Variants in APCDD1L observed in about 807,000 individuals in gnomAD.
The protein encoded by APCDD1L is protein APCDD1-like.
Under a neutral mutation model 24.2 loss-of-function variants are expected in APCDD1L, and 21 were observed. That is an observed-to-expected ratio of 0.87 (90% confidence interval 0.61 to 1.25). The LOEUF (loss-of-function observed/expected upper bound fraction) is 1.25, where lower values mean the gene tolerates loss of function less well. Ranked by LOEUF, APCDD1L falls within the 50% of genes most tolerant of loss-of-function variation. APCDD1L has a pLI of 0.00. For synonymous variants in APCDD1L, 321 were observed against 323.6 expected (o/e 0.99, Z 0.09); for missense variants, 704 against 711.7 (o/e 0.99, Z 0.12).
chr20:58,461,435 C>G lies in APCDD1L; in HGVS notation c.861G>C (p.Ser287=). 2 of 1,515,468 alleles carry G rather than the reference C, an allele frequency of 1.3e-6. No homozygotes were observed. The highest frequency in any genetic ancestry group is 1.3e-5 in the South Asian group (1 of 77,256). 93.9% of individuals were successfully genotyped at this position (1,515,468 alleles called of 1,614,324 possible). The part of the protein sequence containing the change: ...PLHLGGWWVS[S]GCEVRPAVLF... The stretch of plus-strand genomic sequence containing the variant: ...GGACTGCTGGGCGCACCTCGCACCC[C>G]GAGCTGACCCACCAGCCGCCCAGGT... The change falls in exon 4 of 4, where the codon TCG becomes TCC. Residue 287 remains serine, a synonymous_variant. Coordinates refer to ENST00000371149, the MANE Select transcript of APCDD1L (RefSeq NM_153360.3). This position sits in a 1 kb window ranked among gnomAD's most constrained non-coding sequence, Gnocchi z 6.0.
At chr20:58,507,608 G>A (rs1272548825) in intron 1 of APCDD1L, among the ~76,000 whole-genome samples, 1 of 152,078 alleles carries the variant, frequency 6.6e-6, no homozygotes, top group Non-Finnish European at 1.5e-5. Context: ...CCCCTCTGGG[G>A]AATATATACA....
intron 1 of APCDD1L, among the ~76,000 whole-genome samples, chr20:58,505,530 C>T (rs1990515075): frequency 6.6e-6 from 1 of 152,210 alleles, no homozygotes; most frequent in Non-Finnish European, 1.5e-5. Context: ...CCTTCCCTCT[C>T]TGGAACCCTG....
Position 58,467,296 on chromosome 20 carries a change from TC to T in APCDD1L, c.550del (p.Asp184ThrfsTer177). ...YELRSARAQG[D>X]CLEALGLTMH... Reference sequence around the variant, plus strand: ...GGTGAGGCCCAGCGCCTCCAGGCAGTCCCCCTGAGCCCGGGCGCTCCGCAGC... The same window carrying T: ...GGTGAGGCCCAGCGCCTCCAGGCAGTCCCCTGAGCCCGGGCGCTCCGCAGC... On this transcript the variant is annotated frameshift_variant, in exon 3 of 4. Transcript: ENST00000371149. LOFTEE classifies it high-confidence loss of function. This position sits in a 1 kb window ranked among gnomAD's most constrained non-coding sequence, Gnocchi z 5.9. 1 of 1,542,466 alleles carries T rather than the reference TC, an allele frequency of 6.5e-7. No homozygotes were observed.
intron 1 of APCDD1L, among the ~76,000 whole-genome samples, chr20:58,488,812 T>C (rs1990170632): frequency 6.6e-6 from 1 of 151,808 alleles, no homozygotes; most frequent in African/African-American, 2.4e-5. Context: ...ATTTAAGAAG[T>C]TAGAAAAAGA....
Position 58,494,139 on chromosome 20 carries a change from G to A in APCDD1L, c.49+20520C>T, listed in dbSNP as rs570012893. On this transcript the variant is annotated intron_variant, in intron 1 of 3. Transcript: ENST00000371149. This position sits in a 1 kb window ranked among gnomAD's most constrained non-coding sequence, Gnocchi z 4.8. Reference sequence around the variant, plus strand: ...TCATCACCTTCATGTTGAGTAGGCTGAGGAGGAGGAGGAAGAGGAGGGGCT... The same window carrying A: ...TCATCACCTTCATGTTGAGTAGGCTAAGGAGGAGGAGGAAGAGGAGGGGCT... 2.0e-5 allele frequency among the ~76,000 whole-genome samples: 3 copies of A among 152,210 alleles called. No homozygotes were observed. The highest frequency in any genetic ancestry group is 7.2e-5 in the African/African-American group (3 of 41,556).
rs2123135525 is a variant in APCDD1L at position 58,467,078 on chromosome 20, T to C, written c.741+28A>G. ...CGCCTCCCCGAGACCACCACCCCCCTCTCCCACACCCCAACACACACACTC... is the reference window on the plus strand; with the variant it reads ...CGCCTCCCCGAGACCACCACCCCCCCCTCCCACACCCCAACACACACACTC... On this transcript the variant is annotated intron_variant, in intron 3 of 3. Coordinates refer to ENST00000371149, the MANE Select transcript of APCDD1L (RefSeq NM_153360.3). This position sits in a 1 kb window ranked among gnomAD's most constrained non-coding sequence, Gnocchi z 5.9. The C allele has an allele frequency of 6.4e-7, 1 of 1,555,912 alleles. No homozygotes were observed. The highest frequency in any genetic ancestry group is 1.8e-5 in the Admixed American group (1 of 54,754).
At chr20:58,501,304 G>A (rs1003002010) in intron 1 of APCDD1L, among the ~76,000 whole-genome samples, 1 of 152,140 alleles carries the variant, frequency 6.6e-6, no homozygotes, top group Non-Finnish European at 1.5e-5. Flanking sequence ...ACTGTATTTG[G>A]AGACAGGGCT....
In APCDD1L at chr20:58,461,400, G is replaced by A. The variant is rs201143096; in HGVS notation, c.896C>T (p.Thr299Ile). The stretch of plus-strand genomic sequence containing the variant: ...GTGCCCGTGGAAAGTGAAGAGCCGG[G>A]TGAGGAACAGGACTGCTGGGCGCAC... ...CEVRPAVLFL[T>I]RLFTFHGHSR... The change falls in exon 4 of 4, where the codon ACC becomes ATC. Residue 299 changes from threonine (T) to isoleucine (I), a missense_variant. Coordinates refer to ENST00000371149, the MANE Select transcript of APCDD1L (RefSeq NM_153360.3). The surrounding 1 kb of genome is among the most constrained non-coding windows in gnomAD (Gnocchi z 6.0). 3.2e-5 allele frequency: 49 copies of A among 1,553,488 alleles called. No homozygotes were observed. The Admixed American group carries it at 5.3e-4, about 17-fold the overall frequency.
At chr20:58,496,740 A>C (rs1327010139) in intron 1 of APCDD1L, among the ~76,000 whole-genome samples, 2 of 152,186 alleles carry the variant, frequency 1.3e-5, no homozygotes, top group African/African-American at 4.8e-5. Flanking sequence ...TCCTGACACC[A>C]GAAGTCCTTG....
chr20:58,461,174 A>G lies in APCDD1L; in HGVS notation c.1122T>C (p.Ser374=), dbSNP rs1337429156. Residue 374 remains serine (S), a synonymous_variant, in exon 4 of 4, where the codon TCT becomes TCC. Coordinates refer to ENST00000371149, the MANE Select transcript of APCDD1L (RefSeq NM_153360.3). This position sits in a 1 kb window ranked among gnomAD's most constrained non-coding sequence, Gnocchi z 6.0. ...CCGCACCCCCACAGCTGCTTGGCTCAGAGAAGTTGAGCATGGCCGTGGTGA... is the reference window on the plus strand; with the variant it reads ...CCGCACCCCCACAGCTGCTTGGCTCGGAGAAGTTGAGCATGGCCGTGGTGA... ...DQVTTAMLNF[S]EPSSCGGAGA... 1 of 1,613,260 alleles carries G rather than the reference A, an allele frequency of 6.2e-7. No individual in the cohort carries two copies. The highest frequency in any genetic ancestry group is 1.7e-5 in the Admixed American group (1 of 60,006).
At position 58,461,047 on chromosome 20, in the gene APCDD1L, C is replaced by G. The variant is rs779092429; in HGVS notation, c.1249G>C (p.Glu417Gln). The change falls in exon 4 of 4, where the codon GAA becomes CAA. Residue 417 changes from glutamate to glutamine, a missense_variant. Transcript: ENST00000371149. This position sits in a 1 kb window ranked among gnomAD's most constrained non-coding sequence, Gnocchi z 6.0. ...AGGCTTTGCCCGAGGGGGTCTTGTT[C>G]CATCTTGAAAAGCTCGTACTCCACA... ...PHVEYELFKMEQDPLGQSLLF... is the reference protein window; with the variant it reads ...PHVEYELFKMQQDPLGQSLLF... 20 of 1,613,954 alleles carry G rather than the reference C, an allele frequency of 1.2e-5. No homozygotes were observed. Among genetic ancestry groups the G allele is most frequent in the Admixed American group, 3.3e-5 (2 of 59,998 alleles).
Position 58,493,349 on chromosome 20 carries a change from T to G in APCDD1L, c.49+21310A>C, listed in dbSNP as rs141473176. 3.2e-3 allele frequency among the ~76,000 whole-genome samples: 483 copies of G among 152,344 alleles called. 5 individuals carry two copies. The highest frequency in any genetic ancestry group is 0.011 in the African/African-American group (456 of 41,574). Reference sequence around the variant, plus strand: ...TGAGTCATGAGCCATTAAGAGATCATGACTGTGATTTTGGTAACTCTAGCA... The same window carrying G: ...TGAGTCATGAGCCATTAAGAGATCAGGACTGTGATTTTGGTAACTCTAGCA... On this transcript the variant is annotated intron_variant, in intron 1 of 3. Transcript: ENST00000371149.
At chr20:58,490,725 A>G (rs1270429640) in intron 1 of APCDD1L, among the ~76,000 whole-genome samples, 13 of 152,204 alleles carry the variant, frequency 8.5e-5, no homozygotes, top group Admixed American at 8.5e-4. Flanking sequence ...ATGTGAACAC[A>G]TTGCTAAGGT....
At chr20:58,504,053 T>C (rs1413972195) in intron 1 of APCDD1L, among the ~76,000 whole-genome samples, 1 of 152,140 alleles carries the variant, frequency 6.6e-6, no homozygotes, top group African/African-American at 2.4e-5. Flanking sequence ...CTGGAGTCAA[T>C]GAAATTCTGC....
chr20:58,465,391 C>T (rs1254999873), intron 3 of APCDD1L, among the ~76,000 whole-genome samples: 2 of 152,164 alleles, frequency 1.3e-5, no homozygotes, highest in African/African-American at 4.8e-5. Context: ...ACAGTGCTCC[C>T]GCATTGGGGC....
rs1990344237 is a variant in APCDD1L at position 58,497,309 on chromosome 20, T to A, written c.49+17350A>T. On this transcript the variant is annotated intron_variant, in intron 1 of 3. Transcript: ENST00000371149. The surrounding 1 kb of genome is among the most constrained non-coding windows in gnomAD (Gnocchi z 4.3). The stretch of plus-strand genomic sequence containing the variant: ...GCCTGGCCACAGCTGCCCTGGAAAG[T>A]GGGTTCTCCCTGGGGGAGTCTCCCT... 6.6e-6 allele frequency among the ~76,000 whole-genome samples: 1 copy of A among 151,986 alleles called. No homozygotes were observed. The highest frequency in any genetic ancestry group is 2.1e-4 in the South Asian group (1 of 4,832).
At chr20:58,503,616 T>C (rs1325507650) in intron 1 of APCDD1L, among the ~76,000 whole-genome samples, 12 of 152,202 alleles carry the variant, frequency 7.9e-5, no homozygotes, top group African/African-American at 2.9e-4. Context: ...TCTTTCTATA[T>C]GATTTAATAT....
At chr20:58,465,878 G>A (rs997015671) in intron 3 of APCDD1L, among the ~76,000 whole-genome samples, 10 of 152,200 alleles carry the variant, frequency 6.6e-5, no homozygotes, top group South Asian at 4.1e-4. Flanking sequence ...ACAAATTAGC[G>A]TTTTAAAACT....
chr20:58,461,495 C>G lies in APCDD1L; in HGVS notation c.801G>C (p.Pro267=). 1 of 1,462,818 alleles carries G rather than the reference C, an allele frequency of 6.8e-7. No homozygotes were observed. The highest frequency in any genetic ancestry group is 9.1e-7 in the Non-Finnish European group (1 of 1,104,302). The allele number at this position is 1,462,818 out of a possible 1,614,324, so 90.6% of individuals were successfully genotyped here. A position where few individuals can be genotyped will look rare whatever the true frequency, so the allele number is the denominator to read the frequency against. ...GGGCCAGAGGGGGCGGCAGCACGGG[C>G]GGGTGGTGCACATCGGAGCGGGCAA... ...GLIARSDVHH[P]PVLPPPLALP... is the part of the protein sequence containing the mutation. The change falls in exon 4 of 4, where the codon CCG becomes CCC. Residue 267 remains proline, a synonymous_variant. Coordinates refer to ENST00000371149, the MANE Select transcript of APCDD1L (RefSeq NM_153360.3). The surrounding 1 kb of genome is among the most constrained non-coding windows in gnomAD (Gnocchi z 6.0).
Sources: gnomAD v4.1 joint callset for allele counts (sites outside exome capture counted in the v4.1 genomes callset) on GRCh38, gnomAD v4.1.1 for gene constraint, Gnocchi (gnomAD v3.1) non-coding constraint, MANE v1.5 for transcripts, NCBI Gene and HGNC (gene_info 2026-07-23, HGNC 2026-07-21) for gene names.